Variants in ZFY observed in about 807,000 individuals in gnomAD.
ZFY encodes the protein zinc finger protein Y-linked.
For missense variants in ZFY, 113 were observed against 170.9 expected (o/e 0.66, Z 1.89); for synonymous variants, 47 against 55.8 (o/e 0.84, Z 0.71).
At chrY:2,956,001 C>G (rs958046837) in intron 2 of ZFY, among the ~76,000 whole-genome samples, 2 of 32,524 alleles carry the variant, frequency 6.1e-5, no homozygotes, top group South Asian at 1.4e-3. Flanking sequence ...CTTTACTTTA[C>G]CTTACCTTAC....
chrY:2,964,850 A>T (rs2051321177), intron 3 of ZFY, among the ~76,000 whole-genome samples: 1 of 32,634 alleles, frequency 3.1e-5, no homozygotes, highest in Non-Finnish European at 7.5e-5. Context: ...TGGTCAACAT[A>T]GTGAGACCCT....
chrY:2,961,188 A>C lies in ZFY; in HGVS notation c.176A>C (p.Asp59Ala). The change falls in exon 3 of 8, where the codon GAC becomes GCC. Residue 59 changes from aspartate (D) to alanine (A), a missense_variant. By Grantham distance (126) the Asp-to-Ala change is moderately radical. Coordinates refer to ENST00000155093, the MANE Select transcript of ZFY (RefSeq NM_003411.4). ...DITVHNFVPD[D>A]PDSVVIQDVV... is the part of the protein sequence containing the mutation. ...ACTGTGCATAACTTTGTTCCTGATG[A>C]CCCAGACTCAGTTGTAATCCAAGAT... 1 of 398,682 alleles carries C rather than the reference A, an allele frequency of 2.5e-6. No individual in the cohort carries two copies. Among genetic ancestry groups the C allele is most frequent in the Non-Finnish European group, 3.5e-6 (1 of 283,346 alleles).
At chrY:2,946,126 T>G in intron 1 of ZFY, among the ~76,000 whole-genome samples, 1 of 32,139 alleles carries the variant, frequency 3.1e-5, no homozygotes, top group African/African-American at 1.2e-4. Context: ...GAGGTTTTTT[T>G]TTTTAAAGAG....
intron 3 of ZFY, among the ~76,000 whole-genome samples, chrY:2,971,626 T>A (rs1603311848): frequency 3.0e-5 from 1 of 33,771 alleles, no homozygotes; most frequent in East Asian, 7.5e-4. Context: ...CCAGCCTGTT[T>A]TATAGTAACA....
intron 2 of ZFY, among the ~76,000 whole-genome samples, chrY:2,955,677 C>T (rs2051291113): frequency 2.9e-5 from 1 of 34,020 alleles, no homozygotes; most frequent in Non-Finnish European, 7.3e-5. Context: ...CAACTGTCTT[C>T]ATTATATTGA....
Position 2,961,464 on chromosome Y carries a change from A to T in ZFY, c.452A>T (p.His151Leu). Residue 151 changes from histidine to leucine, a missense_variant, in exon 3 of 8, where the codon CAT becomes CTT. Transcript: ENST00000155093. ...GTGTGTGACATTGGACATGTTGAAC[A>T]TATGGTGCATGATAGTGTAGTGGAA... ...MHVCDIGHVEHMVHDSVVEAE... is the reference protein window; with the variant it reads ...MHVCDIGHVELMVHDSVVEAE... 2.5e-6 allele frequency: 1 copy of T among 399,259 alleles called. No individual in the cohort carries two copies. Among genetic ancestry groups the T allele is most frequent in the Admixed American group, 7.4e-5 (1 of 13,544 alleles).
intron 1 of ZFY, among the ~76,000 whole-genome samples, chrY:2,939,011 AT>A (rs2051229766): frequency 1.5e-4 from 3 of 19,972 alleles, no homozygotes; most frequent in South Asian, 1.1e-3. Context: ...ATATATATAT[AT>A]ATATATATAT....
chrY:2,978,578 CTTGA>C (rs2051386040), intron 7 of ZFY, among the ~76,000 whole-genome samples: 1 of 31,954 alleles, frequency 3.1e-5, no homozygotes, highest in Non-Finnish European at 7.6e-5. Flanking sequence ...TTTGTCACTG[CTTGA>C]TTGATTTTTT....
At chrY:2,962,536 C>T (rs2124508078) in intron 3 of ZFY, among the ~76,000 whole-genome samples, 1 of 32,424 alleles carries the variant, frequency 3.1e-5, no homozygotes, top group South Asian at 6.9e-4. Flanking sequence ...TATTAAATAC[C>T]GCCTACACTC....
intron 1 of ZFY, among the ~76,000 whole-genome samples, chrY:2,939,499 T>C: frequency 3.0e-5 from 1 of 33,679 alleles, no homozygotes; most frequent in African/African-American, 1.2e-4. Context: ...TCAGAAACTC[T>C]CTGTGCTTTC....
chrY:2,942,641 G>T, intron 1 of ZFY, among the ~76,000 whole-genome samples: 1 of 29,497 alleles, frequency 3.4e-5, no homozygotes, highest in Admixed American at 3.3e-4. Flanking sequence ...ACCCAAGCTG[G>T]CCTTGAACTC....
At chrY:2,951,952 T>A in intron 1 of ZFY, among the ~76,000 whole-genome samples, 1 of 27,038 alleles carries the variant, frequency 3.7e-5, no homozygotes, top group Non-Finnish European at 8.8e-5. Context: ...GGAGTCTCGC[T>A]CTGTCGCCCA....
intron 1 of ZFY, among the ~76,000 whole-genome samples, chrY:2,936,054 C>T: frequency 8.6e-5 from 3 of 35,024 alleles, no homozygotes; most frequent in Admixed American, 5.0e-4. Context: ...CTTGGCGGCC[C>T]TTGCCTTTGT....
intron 3 of ZFY, among the ~76,000 whole-genome samples, chrY:2,962,939 G>C (rs2124508333): frequency 6.6e-5 from 2 of 30,107 alleles, no homozygotes; most frequent in East Asian, 1.7e-3. Flanking sequence ...TTTTTTTTTT[G>C]CTAGCTCTTG....
chrY:2,960,364 A>C, intron 2 of ZFY, among the ~76,000 whole-genome samples: 1 of 30,931 alleles, frequency 3.2e-5, no homozygotes, highest in Non-Finnish European at 7.8e-5. Context: ...AGCCCATTTT[A>C]TCTATCTATA....
At chrY:2,972,517 A>G (rs565077935) in intron 3 of ZFY, among the ~76,000 whole-genome samples, 1 of 33,682 alleles carries the variant, frequency 3.0e-5, no homozygotes, top group South Asian at 6.5e-4. Flanking sequence ...TTTGAAAAGT[A>G]TGCAGAGATT....
chrY:2,973,079 T>C, intron 3 of ZFY, among the ~76,000 whole-genome samples: 5 of 30,836 alleles, frequency 1.6e-4, no homozygotes, highest in Admixed American at 1.5e-3. Context: ...TTTTTTTTTT[T>C]TGGAGACAGC....
intron 6 of ZFY, 90 bp downstream of exon 6, chrY:2,976,912 C>T: frequency 1.6e-5 from 4 of 244,266 alleles, no homozygotes; most frequent in Non-Finnish European, 2.4e-5. Flanking sequence ...CGTGGTGGCT[C>T]ATGTCTGTAA....
intron 2 of ZFY, among the ~76,000 whole-genome samples, chrY:2,956,264 A>G: frequency 1.5e-4 from 5 of 32,928 alleles, no homozygotes; most frequent in Admixed American, 1.1e-3. Flanking sequence ...CAATTTTTCC[A>G]GAGACCTGGG....
Sources: allele counts gnomAD v4.1 joint callset (sites outside exome capture counted in the v4.1 genomes callset), GRCh38; gene constraint gnomAD v4.1.1; transcripts MANE v1.5; gene names NCBI Gene and HGNC (gene_info 2026-07-23, HGNC 2026-07-21).